The following PHLPP1 variants were observed in gnomAD, a reference collection of about 807,000 sequenced individuals.
The protein encoded by PHLPP1 is PH domain and leucine rich repeat protein phosphatase 1.
Under a neutral mutation model 117.2 loss-of-function variants are expected in PHLPP1, and 42 were observed. That is an observed-to-expected ratio of 0.36 (90% confidence interval 0.28 to 0.46). The LOEUF (loss-of-function observed/expected upper bound fraction) is 0.46. Among genes scored for constraint, PHLPP1 ranks in the 20% least tolerant of loss-of-function variants. The pLI is 1.00. For synonymous variants in PHLPP1, 1,042 were observed against 970.7 expected (o/e 1.07, Z -1.37); for missense variants, 2,084 against 2,241.9 (o/e 0.93, Z 1.42).
rs1020961763 is a variant in PHLPP1 at position 62,940,578 on chromosome 18, A to G, written c.2961-1140A>G. 4.9e-4 allele frequency among the ~76,000 whole-genome samples: 74 copies of G among 151,772 alleles called. No homozygotes were observed. In the Middle Eastern group the frequency reaches 0.014, roughly 28 times the overall value. On this transcript the variant is annotated intron_variant, in intron 10 of 16. Coordinates refer to ENST00000262719, the MANE Select transcript of PHLPP1 (RefSeq NM_194449.4). ...ACAGGGTTTCACCATGTTAGCCAGG[A>G]TGGTCTCGATCTCCTGACCTTGTGA... is the stretch of plus-strand genomic sequence containing the variant.
In PHLPP1 at chr18:62,848,033, C is replaced by T. The variant is rs78037169; in HGVS notation, c.1899+9124C>T. The stretch of plus-strand genomic sequence containing the variant: ...CAGTCTATTTTCAGCAGAAGTATCC[C>T]TGGCAATTCCAACAATTCCTTCTGT... On this transcript the variant is annotated intron_variant, in intron 3 of 16. Coordinates refer to ENST00000262719, the MANE Select transcript of PHLPP1 (RefSeq NM_194449.4). 8.2e-3 allele frequency among the ~76,000 whole-genome samples: 1,250 copies of T among 152,328 alleles called. 21 individuals are homozygous for T. The highest frequency in any genetic ancestry group is 0.029 in the African/African-American group (1,197 of 41,568).
At chr18:62,817,194 T>C (rs1914305490) in intron 1 of PHLPP1, among the ~76,000 whole-genome samples, 1 of 152,234 alleles carries the variant, frequency 6.6e-6, no homozygotes, top group Admixed American at 6.5e-5. Context: ...TCCTCCTGCC[T>C]TGGCCTCCCA....
Position 62,860,418 on chromosome 18 carries a change from G to C in PHLPP1, c.1900-17G>C. ...GATAAGTGGATGGTATTAAAATTAA[G>C]TTTTATCCCCCTTTAGGTTGCATCC... On this transcript the variant is annotated splice_polypyrimidine_tract_variant and intron_variant, in intron 3 of 16. Transcript: ENST00000262719. 1 of 1,611,216 alleles carries C rather than the reference G, an allele frequency of 6.2e-7. No individual in the cohort carries two copies. Among genetic ancestry groups the C allele is most frequent in the Middle Eastern group, 1.6e-4 (1 of 6,072 alleles).
chr18:62,806,997 A>G (rs891200367), intron 1 of PHLPP1, among the ~76,000 whole-genome samples: 1 of 152,130 alleles, frequency 6.6e-6, no homozygotes, highest in Non-Finnish European at 1.5e-5. Flanking sequence ...TTAGTTTAAA[A>G]ATTTTTTATA....
chr18:62,729,795 G>A (rs1174889870), intron 1 of PHLPP1, among the ~76,000 whole-genome samples: 1 of 152,172 alleles, frequency 6.6e-6, no homozygotes, highest in Non-Finnish European at 1.5e-5. Flanking sequence ...ATAAGCAAGT[G>A]CAAAAGAATT....
At chr18:62,766,103 A>ATATAT (rs1491171718) in intron 1 of PHLPP1, among the ~76,000 whole-genome samples, 877 of 53,112 alleles carry the variant, frequency 0.017, 55 homozygotes, top group Non-Finnish European at 0.028. Flanking sequence ...ATATATATAT[A>ATATAT]AAATATATAT....
chr18:62,838,568 G>A (rs1463810167), intron 2 of PHLPP1: 1 of 451,716 alleles, frequency 2.2e-6, no homozygotes, highest in East Asian at 3.4e-5. Context: ...TCACTGTGGT[G>A]GGGAAATATA....
rs1475593367 is a variant in PHLPP1 at position 62,896,010 on chromosome 18, A to G, written c.2443A>G (p.Arg815Gly). Residue 815 changes from arginine (R) to glycine (G), a missense_variant and splice_region_variant, in exon 6 of 17, where the codon AGG becomes GGG. Arg to Gly is a moderately radical substitution (Grantham distance 125, BLOSUM62 -2). Transcript: ENST00000262719. ...KMPHIKHVDLRLNVIRKLIAD... is the reference protein window; with the variant it reads ...KMPHIKHVDLGLNVIRKLIAD... ...GCCTCACATTAAACATGTGGATCTAAGGTAACCATTTTTGAGAAATAGATC... is the reference window on the plus strand; with the variant it reads ...GCCTCACATTAAACATGTGGATCTAGGGTAACCATTTTTGAGAAATAGATC... 1 of 1,586,810 alleles carries G rather than the reference A, an allele frequency of 6.3e-7. No individual in the cohort carries two copies. Among genetic ancestry groups the G allele is most frequent in the South Asian group, 1.1e-5 (1 of 90,340 alleles).
intron 1 of PHLPP1, among the ~76,000 whole-genome samples, chr18:62,726,543 A>ATTTTC (rs1307324622): frequency 6.8e-5 from 7 of 103,334 alleles, no homozygotes; most frequent in Non-Finnish European, 1.3e-4. Context: ...GTATTTTATC[A>ATTTTC]TTTTCTTTTC....
At position 62,940,286 on chromosome 18, in the gene PHLPP1, G is replaced by A. The variant is rs572991301; in HGVS notation, c.2961-1432G>A. Among the ~76,000 whole-genome samples, 46 of 144,570 alleles carry A rather than the reference G, an allele frequency of 3.2e-4. No homozygotes were observed. In the Middle Eastern group the frequency reaches 0.032, roughly 102 times the overall value. The allele number at this position is 144,570 out of a possible 152,430, so 94.8% of individuals were successfully genotyped here. Reference sequence around the variant, plus strand: ...CCGTGGAGGATTTTTTTTTTTTTGGGCAATTTTACTTATCTTAGTTATAAA... The same window carrying A: ...CCGTGGAGGATTTTTTTTTTTTTGGACAATTTTACTTATCTTAGTTATAAA... On this transcript the variant is annotated intron_variant, in intron 10 of 16. Coordinates refer to ENST00000262719, the MANE Select transcript of PHLPP1 (RefSeq NM_194449.4).
At chr18:62,868,615 C>G (rs1005674444) in intron 4 of PHLPP1, among the ~76,000 whole-genome samples, 2 of 138,466 alleles carry the variant, frequency 1.4e-5, no homozygotes, top group East Asian at 2.1e-4. Context: ...GAGCGAGACT[C>G]TGTCTCAAAA....
intron 10 of PHLPP1, among the ~76,000 whole-genome samples, chr18:62,922,901 C>T (rs2144429181): frequency 6.6e-6 from 1 of 152,284 alleles, no homozygotes; most frequent in South Asian, 2.1e-4. Context: ...GATTGAGAAC[C>T]ACTGCCTTCA....
rs185399756 is a variant in PHLPP1, at chr18:62,867,897, C to T, written c.2066+7296C>T. Among the ~76,000 whole-genome samples, 936 of 151,948 alleles carry T rather than the reference C, an allele frequency of 6.2e-3. 11 individuals carry two copies. The highest frequency in any genetic ancestry group is 0.022 in the African/African-American group (900 of 41,428). On this transcript the variant is annotated intron_variant, in intron 4 of 16. Transcript: ENST00000262719. Reference sequence around the variant, plus strand: ...GGCGATCTCGGCTCACTGCAAGCTCCGCCTCCCAGATTCACGCCATTCTCC... The same window carrying T: ...GGCGATCTCGGCTCACTGCAAGCTCTGCCTCCCAGATTCACGCCATTCTCC...
Position 62,978,710 on chromosome 18 carries a change from G to A in PHLPP1, c.4433G>A (p.Ser1478Asn). The change falls in exon 17 of 17, where the codon AGC becomes AAC. Residue 1478 changes from serine to asparagine, a missense_variant. Around this residue, in one of 2 missense-constraint regions of PHLPP1, gnomAD observed 1,365 missense variants for 1,605.9 expected, o/e 0.85. Coordinates refer to ENST00000262719, the MANE Select transcript of PHLPP1 (RefSeq NM_194449.4). This position sits in a 1 kb window ranked among gnomAD's most constrained non-coding sequence, Gnocchi z 7.0. ...AGCAGCGGCATGGCTTCCGAGATTA[G>A]CAGTGAGCTCTCCACTTCTGAGATG... Reference protein sequence around the residue: ...SSSSGMASEISSELSTSEMSS... With the variant: ...SSSSGMASEINSELSTSEMSS... The A allele has an allele frequency of 6.2e-7, 1 of 1,613,834 alleles. No homozygotes were observed.
intron 4 of PHLPP1, chr18:62,889,609 A>G (rs1599104226): frequency 6.6e-6 from 1 of 152,224 alleles, no homozygotes; most frequent in Non-Finnish European, 1.5e-5. Context: ...ACTGCAGCCC[A>G]TATGTCCAAG....
chr18:62,833,072 GTAT>G (rs930256427), intron 2 of PHLPP1, among the ~76,000 whole-genome samples: 5 of 152,084 alleles, frequency 3.3e-5, no homozygotes, highest in East Asian at 1.9e-4. Context: ...TTTAAATAAT[GTAT>G]TATTATTATT....
intron 6 of PHLPP1, among the ~76,000 whole-genome samples, chr18:62,900,087 A>G (rs1916672965): frequency 6.6e-6 from 1 of 152,110 alleles, no homozygotes; most frequent in African/African-American, 2.4e-5. Context: ...ACCTGAGGTC[A>G]GGAGTTCAAG....
chr18:62,944,878 G>C (rs993545388), intron 11 of PHLPP1, among the ~76,000 whole-genome samples: 1 of 152,130 alleles, frequency 6.6e-6, no homozygotes, highest in Non-Finnish European at 1.5e-5. Flanking sequence ...GAGGAAAAGG[G>C]CATCCATTTT....
intron 1 of PHLPP1, among the ~76,000 whole-genome samples, chr18:62,739,784 G>T (rs1911469861): frequency 6.6e-6 from 1 of 152,104 alleles, no homozygotes. Context: ...AAGAGCTCTG[G>T]AAGTCTTTGG....
Sources: gnomAD v4.1 joint callset for allele counts (sites outside exome capture counted in the v4.1 genomes callset) on GRCh38, gnomAD v4.1.1 for gene constraint, gnomAD v4.1.1 regional missense constraint, Gnocchi (gnomAD v3.1) non-coding constraint, MANE v1.5 for transcripts, NCBI Gene and HGNC (gene_info 2026-07-23, HGNC 2026-07-21) for gene names.